VCPIP1: variants seen among roughly 807,000 people sequenced by gnomAD.
The protein encoded by VCPIP1 is valosin containing protein interacting protein 1, also known as deubiquitinating protein VCPIP1.
Under a neutral mutation model 85.0 loss-of-function variants are expected in VCPIP1, and 8 were observed. The observed-to-expected ratio is 0.09, with a 90% CI of 0.06 to 0.17. VCPIP1 has a LOEUF of 0.17. Ranked by LOEUF, VCPIP1 falls within the 10% of genes least tolerant of loss-of-function variation. The pLI, the probability that VCPIP1 is intolerant of heterozygous loss-of-function variation, is 1.00. For missense variants in VCPIP1, 1,070 were observed against 1,486.3 expected, an observed-to-expected ratio of 0.72 and a Z score of 4.61; for synonymous variants, 543 against 544.5, an observed-to-expected ratio of 1.00 and a Z score of 0.04.
Position 66,664,731 on chromosome 8 carries a change from G to A in VCPIP1, c.2228C>T (p.Pro743Leu). ...AATGGTACTGGGAGAAACAGTCCTG[G>A]GTTGCCCTTTTTGTTCTTGTTTTAA... The part of the protein sequence containing the change: ...EKLKQEQKGQ[P>L]RTVSPSTIRD... Residue 743 changes from proline (P) to leucine (L), a missense_variant, in exon 1 of 3, where the codon CCC becomes CTC. Around this residue, in one of 8 missense-constraint regions of VCPIP1, gnomAD observed 278 missense variants for 298.5 expected, o/e 0.93. Transcript: ENST00000310421. 1 of 1,613,556 alleles carries A rather than the reference G, an allele frequency of 6.2e-7. No homozygotes were observed. The highest frequency in any genetic ancestry group is 1.7e-5 in the Admixed American group (1 of 59,834).
intron 1 of VCPIP1, among the ~76,000 whole-genome samples, chr8:66,661,162 A>T (rs1439267166): frequency 6.6e-6 from 1 of 152,260 alleles, no homozygotes; most frequent in East Asian, 1.9e-4. Flanking sequence ...TTTAAAGCAG[A>T]AAGTATCTCA....
Position 66,629,091 on chromosome 8 carries a change from TCTA to T in VCPIP1, c.*5407_*5409del, listed in dbSNP as rs1810808363. On this transcript the variant is annotated 3_prime_UTR_variant, in exon 3 of 3. Coordinates refer to ENST00000310421, the MANE Select transcript of VCPIP1 (RefSeq NM_025054.5). ...TTATCCCACTTAATGGCAACTGAACTCTACCACATTACATTAACATATAACATA... is the reference window on the plus strand; with the variant it reads ...TTATCCCACTTAATGGCAACTGAACTCCACATTACATTAACATATAACATA... 1 of 152,226 alleles carries T rather than the reference TCTA, an allele frequency of 6.6e-6. No individual in the cohort carries two copies. The highest frequency in any genetic ancestry group is 2.4e-5 in the African/African-American group (1 of 41,452). The allele number at this position is 152,226 out of a possible 1,614,324, so 9.4% of individuals were successfully genotyped here. A position where few individuals can be genotyped will look rare whatever the true frequency, so the allele number is the denominator to read the frequency against.
chr8:66,635,271 C>T lies in VCPIP1; in HGVS notation c.2899G>A (p.Gly967Arg). The change falls in exon 3 of 3, where the codon GGA (glycine) becomes AGA (arginine). Residue 967 changes from glycine (G) to arginine (R), a missense_variant. By Grantham distance (125) the Gly-to-Arg change is moderately radical. Transcript: ENST00000310421. Reference protein sequence around the residue: ...DRLELCVDAAGHFPIGPDVED... With the variant: ...DRLELCVDAARHFPIGPDVED... ...ACATCAGGACCAATGGGGAAATGTCCTGCAGCATCCACACACAATTCCAGT... is the reference window on the plus strand; with the variant it reads ...ACATCAGGACCAATGGGGAAATGTCTTGCAGCATCCACACACAATTCCAGT... 1 of 1,614,196 alleles carries T rather than the reference C, an allele frequency of 6.2e-7. No homozygotes were observed. The highest frequency in any genetic ancestry group is 1.1e-5 in the South Asian group (1 of 91,084).
intron 2 of VCPIP1, among the ~76,000 whole-genome samples, chr8:66,651,172 C>T (rs887977205): frequency 2.8e-4 from 36 of 128,056 alleles, no homozygotes; most frequent in African/African-American, 4.6e-4. Context: ...GCAACAAGAA[C>T]GAAATTCCAT....
At chr8:66,653,822 C>CAT (rs1318293134) in intron 1 of VCPIP1, among the ~76,000 whole-genome samples, 5 of 152,166 alleles carry the variant, frequency 3.3e-5, no homozygotes, top group Non-Finnish European at 4.4e-5. Context: ...TTGAATTACA[C>CAT]AGATATACCT....
Position 66,665,950 on chromosome 8 carries a change from C to G in VCPIP1, c.1009G>C (p.Gly337Arg). 2 of 1,614,164 alleles carry G rather than the reference C, an allele frequency of 1.2e-6. No individual in the cohort carries two copies. Among genetic ancestry groups the G allele is most frequent in the Non-Finnish European group, 1.7e-6 (2 of 1,180,034 alleles). ...IPAEKCTGKD[G>R]HLNKPICIAW... ...ATACAGATTGGTTTGTTCAAATGAC[C>G]ATCTTTCCCAGTGCACTTCTCTGCA... The change falls in exon 1 of 3, where the codon GGT becomes CGT. Residue 337 changes from glycine (G) to arginine (R), a missense_variant. Physicochemically the swap from Gly to Arg is moderately radical, Grantham distance 125 (BLOSUM62 -2). Transcript: ENST00000310421. The surrounding 1 kb of genome is among the most constrained non-coding windows in gnomAD (Gnocchi z 4.3).
intron 1 of VCPIP1, among the ~76,000 whole-genome samples, chr8:66,655,636 C>A (rs944724916): frequency 6.6e-6 from 1 of 152,066 alleles, no homozygotes; most frequent in African/African-American, 2.4e-5. Flanking sequence ...TTATATGCTA[C>A]TGACTTTTCC....
intron 2 of VCPIP1, among the ~76,000 whole-genome samples, chr8:66,649,811 A>G (rs1811034874): frequency 6.6e-6 from 1 of 152,224 alleles, no homozygotes; most frequent in African/African-American, 2.4e-5. Context: ...AAATTCATAT[A>G]CAGTATACAA....
rs566863834 is a variant in VCPIP1 at position 66,638,977 on chromosome 8, T to C, written c.2798-3605A>G. Among the ~76,000 whole-genome samples, 6 of 149,194 alleles carry C rather than the reference T, an allele frequency of 4.0e-5. No individual in the cohort carries two copies. The South Asian group carries it at 1.3e-3, about 31-fold the overall frequency. The stretch of plus-strand genomic sequence containing the variant: ...CTCTCTCTCTCTCTCTCTCTATATA[T>C]ATATATATACATATATTTTGTGGGG... On this transcript the variant is annotated intron_variant, in intron 2 of 2. Transcript: ENST00000310421.
intron 1 of VCPIP1, among the ~76,000 whole-genome samples, chr8:66,662,351 C>T (rs1177476772): frequency 6.6e-6 from 1 of 152,158 alleles, no homozygotes; most frequent in Non-Finnish European, 1.5e-5. Context: ...TTTTCATGAA[C>T]CCCAGATGAT....
chr8:66,635,785 C>T (rs763296266), intron 2 of VCPIP1, among the ~76,000 whole-genome samples: 13 of 151,298 alleles, frequency 8.6e-5, no homozygotes, highest in African/African-American at 2.2e-4. Flanking sequence ...TGGCAGCAGG[C>T]GCCTGTAATC....
At chr8:66,663,013 G>A (rs555995075) in intron 1 of VCPIP1, among the ~76,000 whole-genome samples, 5 of 150,378 alleles carry the variant, frequency 3.3e-5, no homozygotes, top group South Asian at 2.1e-4. Context: ...GCTGAGGCAG[G>A]AGAATTGCTT....
chr8:66,638,970 C>CTCTCTCTCTATATATATATATATA, intron 2 of VCPIP1, among the ~76,000 whole-genome samples: 10 of 118,436 alleles, frequency 8.4e-5, no homozygotes, highest in African/African-American at 3.5e-4. Context: ...CTCTCTCTCT[C>CTCTCTCTCTATATATATATATATA]TATATATATA....
chr8:66,633,777 A>T lies in VCPIP1; in HGVS notation c.*724T>A, dbSNP rs1267899140. 1 of 152,050 alleles carries T rather than the reference A, an allele frequency of 6.6e-6. No homozygotes were observed. The highest frequency in any genetic ancestry group is 1.5e-5 in the Non-Finnish European group (1 of 67,992). The allele number at this position is 152,050 out of a possible 1,614,324, so 9.4% of individuals were successfully genotyped here. ...AAAAAAAAAAATCAGGTTGTTCTTG[A>T]CCAAGCCAGGAATCAAAAATAATGG... On this transcript the variant is annotated 3_prime_UTR_variant, in exon 3 of 3. Coordinates refer to ENST00000310421, the MANE Select transcript of VCPIP1 (RefSeq NM_025054.5).
chr8:66,653,185 G>A (rs1811069765), intron 1 of VCPIP1, among the ~76,000 whole-genome samples: 1 of 152,016 alleles, frequency 6.6e-6, no homozygotes, highest in Non-Finnish European at 1.5e-5. Flanking sequence ...AGTACTACTA[G>A]AATAGCTATA....
chr8:66,634,666 T>C lies in VCPIP1; in HGVS notation c.3504A>G (p.Glu1168=). The C allele has an allele frequency of 6.2e-7, 1 of 1,614,196 alleles. No individual in the cohort carries two copies. Among genetic ancestry groups the C allele is most frequent in the South Asian group, 1.1e-5 (1 of 91,082 alleles). The change falls in exon 3 of 3, where the codon GAA becomes GAG. Residue 1168 remains glutamate, a synonymous_variant. Coordinates refer to ENST00000310421, the MANE Select transcript of VCPIP1 (RefSeq NM_025054.5). ...PESFPLTGGT[E]NLNTETTDGC... ...CATCAGTTGTTTCTGTATTCAAATT[T>C]TCAGTACCACCAGTTAAAGGAAAAG...
intron 2 of VCPIP1, among the ~76,000 whole-genome samples, chr8:66,645,937 C>T (rs1810991371): frequency 6.6e-6 from 1 of 150,746 alleles, no homozygotes; most frequent in South Asian, 2.1e-4. Context: ...CTCAATAAAA[C>T]CAAAAACAAG....
At position 66,632,770 on chromosome 8, in the gene VCPIP1, C is replaced by T. The variant is rs1302004066; in HGVS notation, c.*1731G>A. ...AATTCGTAGTTTAATACACAGAAGC[C>T]ACCTTTACTAAGTAGTAAATAGTAT... On this transcript the variant is annotated 3_prime_UTR_variant, in exon 3 of 3. Transcript: ENST00000310421. 6.6e-6 allele frequency: 1 copy of T among 152,008 alleles called. No individual in the cohort carries two copies. Among genetic ancestry groups the T allele is most frequent in the Non-Finnish European group, 1.5e-5 (1 of 67,920 alleles). The allele number at this position is 152,008 out of a possible 1,614,324, so 9.4% of individuals were successfully genotyped here. A position where few individuals can be genotyped will look rare whatever the true frequency, so the allele number is the denominator to read the frequency against.
chr8:66,637,670 A>C (rs1293099680), intron 2 of VCPIP1, among the ~76,000 whole-genome samples: 1 of 147,460 alleles, frequency 6.8e-6, no homozygotes, highest in Non-Finnish European at 1.5e-5. Context: ...ATCACATATC[A>C]ACAATTCCAT....
Sources: allele counts gnomAD v4.1 joint callset (sites outside exome capture counted in the v4.1 genomes callset), GRCh38; gene constraint gnomAD v4.1.1; regional missense constraint gnomAD v4.1.1; non-coding constraint Gnocchi (gnomAD v3.1); transcripts MANE v1.5; gene names NCBI Gene and HGNC (gene_info 2026-07-23, HGNC 2026-07-21).